The following CNKSR2 variants were observed in gnomAD, a reference collection of about 807,000 sequenced individuals.
The protein encoded by CNKSR2 is CNK homolog protein 2.
In CNKSR2, 14 loss-of-function variants were observed where a neutral mutation model predicts 84.4. That is an observed-to-expected ratio of 0.17 (90% CI 0.11 to 0.26). The LOEUF is 0.26. CNKSR2 is among the 10% of genes least tolerant of loss of function. CNKSR2 has a pLI of 1.00. For missense variants in CNKSR2, 485 were observed against 771.2 expected (o/e 0.63, Z 4.40); for synonymous variants, 275 against 277.9 (o/e 0.99, Z 0.10).
rs1429893801 is a variant in CNKSR2, at chrX:21,434,718, CGT to C, written c.431+1907_431+1908del. Reference sequence around the variant, plus strand: ...AATTTTTATTACATTTTGGAGAAAACGTGTATCCACAGCAATATGTTTTGGGT... The same window carrying C: ...AATTTTTATTACATTTTGGAGAAAACGTATCCACAGCAATATGTTTTGGGT... On this transcript the variant is annotated intron_variant, in intron 3 of 21. Coordinates refer to ENST00000379510, the MANE Select transcript of CNKSR2 (RefSeq NM_014927.5). Among the ~76,000 whole-genome samples, 3 of 110,268 alleles carry C rather than the reference CGT, an allele frequency of 2.7e-5. No individual in the cohort carries two copies. In the East Asian group the frequency reaches 8.5e-4, roughly 31 times the overall value.
chrX:21,530,153 G>C (rs1349245580), intron 10 of CNKSR2, among the ~76,000 whole-genome samples: 1 of 110,993 alleles, frequency 9.0e-6, no homozygotes, highest in Non-Finnish European at 1.9e-5. Flanking sequence ...AATTCTGCCT[G>C]GATTTTATAT....
chrX:21,542,638 A>C (rs1370429455), intron 11 of CNKSR2, among the ~76,000 whole-genome samples: 1 of 111,920 alleles, frequency 8.9e-6, no homozygotes, highest in African/African-American at 3.2e-5. Context: ...ATCTTGCTGT[A>C]CATGGACTCC....
intron 13 of CNKSR2, among the ~76,000 whole-genome samples, chrX:21,577,240 C>T (rs1385350658): frequency 6.3e-5 from 7 of 111,440 alleles, no homozygotes; most frequent in Admixed American, 4.8e-4. Flanking sequence ...CCAGCCCTTT[C>T]AGCTTCACAT....
chrX:21,605,621 A>T (rs943404247), intron 18 of CNKSR2, among the ~76,000 whole-genome samples: 6 of 111,868 alleles, frequency 5.4e-5, no homozygotes, highest in Non-Finnish European at 9.4e-5. Flanking sequence ...GCAGTTTCTT[A>T]GTTCAAATCC....
chrX:21,387,264 T>G (rs1477602007), intron 1 of CNKSR2, among the ~76,000 whole-genome samples: 1 of 111,476 alleles, frequency 9.0e-6, no homozygotes, highest in African/African-American at 3.3e-5. Context: ...GGCAAATCAC[T>G]TGAGCTCAGG....
chrX:21,402,584 A>G (rs902454611), intron 1 of CNKSR2, among the ~76,000 whole-genome samples: 1 of 111,058 alleles, frequency 9.0e-6, no homozygotes, highest in Non-Finnish European at 1.9e-5. Flanking sequence ...ATTAGCTCCT[A>G]TTTATGCTAA....
At chrX:21,473,745 GTTTTT>G (rs768497403) in intron 5 of CNKSR2, among the ~76,000 whole-genome samples, 1 of 67,231 alleles carries the variant, frequency 1.5e-5, no homozygotes, top group African/African-American at 1.0e-4. Flanking sequence ...TGTTGGTTTG[GTTTTT>G]TTTTTTTTTT....
chrX:21,567,567 C>A (rs1053270141), intron 13 of CNKSR2, among the ~76,000 whole-genome samples: 1 of 111,967 alleles, frequency 8.9e-6, no homozygotes, highest in South Asian at 3.7e-4. Context: ...TTCACTCCAG[C>A]TGAAAACTTC....
intron 13 of CNKSR2, among the ~76,000 whole-genome samples, chrX:21,573,566 T>C (rs1351604379): frequency 8.9e-6 from 1 of 112,185 alleles, no homozygotes; most frequent in Non-Finnish European, 1.9e-5. Context: ...TCTGTGCACA[T>C]GCAGGCTCAA....
intron 9 of CNKSR2, among the ~76,000 whole-genome samples, chrX:21,524,224 T>C (rs1403204406): frequency 9.0e-6 from 1 of 110,949 alleles, no homozygotes; most frequent in African/African-American, 3.3e-5. Context: ...AGTTGAAATA[T>C]TTTCTGTGAC....
At chrX:21,586,201 G>A (rs150282812) in intron 13 of CNKSR2, among the ~76,000 whole-genome samples, 606 of 111,247 alleles carry the variant, frequency 5.4e-3, no homozygotes, top group Non-Finnish European at 9.8e-3. Context: ...CAGCTATGTC[G>A]GAAATCTAAA....
intron 20 of CNKSR2, among the ~76,000 whole-genome samples, chrX:21,617,580 G>A (rs889308801): frequency 3.6e-5 from 4 of 111,530 alleles, no homozygotes; most frequent in Admixed American, 2.9e-4. Flanking sequence ...GAAAGTTAAG[G>A]TTTTAAAAAT....
chrX:21,646,507 G>C (rs2092707370), intron 20 of CNKSR2, among the ~76,000 whole-genome samples: 2 of 111,604 alleles, frequency 1.8e-5, no homozygotes, highest in African/African-American at 6.5e-5. Context: ...TTTAAGAACT[G>C]AGGGAAAACT....
chrX:21,532,997 A>G (rs1408111030), intron 11 of CNKSR2, among the ~76,000 whole-genome samples: 1 of 111,117 alleles, frequency 9.0e-6, no homozygotes, highest in African/African-American at 3.3e-5. Context: ...AAGAGCAGTC[A>G]TCACATATCT....
In CNKSR2 at chrX:21,612,579, T is replaced by C. The variant is rs368545860; in HGVS notation, c.2692+2962T>C. 5.3e-5 allele frequency among the ~76,000 whole-genome samples: 6 copies of C among 112,298 alleles called. No homozygotes were observed. The South Asian group carries it at 2.2e-3, about 42-fold the overall frequency. On this transcript the variant is annotated intron_variant, in intron 20 of 21. Coordinates refer to ENST00000379510, the MANE Select transcript of CNKSR2 (RefSeq NM_014927.5). Reference sequence around the variant, plus strand: ...AGTATCAGGTGGCCAAAAGAAATAATGGAAGAAAACATGAAAATATAGTCT... The same window carrying C: ...AGTATCAGGTGGCCAAAAGAAATAACGGAAGAAAACATGAAAATATAGTCT...
At chrX:21,515,412 T>G (rs897932499) in intron 8 of CNKSR2, among the ~76,000 whole-genome samples, 1 of 111,384 alleles carries the variant, frequency 9.0e-6, no homozygotes, top group Middle Eastern at 4.6e-3. Context: ...GAAACTGTTA[T>G]CACTGTTGAG....
chrX:21,411,961 TA>T (rs1456245671), intron 1 of CNKSR2, among the ~76,000 whole-genome samples: 1 of 111,396 alleles, frequency 9.0e-6, no homozygotes, highest in Non-Finnish European at 1.9e-5. Flanking sequence ...AATTAATAAA[TA>T]AAAGTTGGTA....
At chrX:21,453,455 G>C (rs1232067795) in intron 4 of CNKSR2, among the ~76,000 whole-genome samples, 1 of 111,360 alleles carries the variant, frequency 9.0e-6, no homozygotes, top group Non-Finnish European at 1.9e-5. Context: ...GAAACTCCTT[G>C]ATGGCTTGCT....
At chrX:21,487,124 G>A (rs1379232103) in intron 5 of CNKSR2, among the ~76,000 whole-genome samples, 2 of 111,961 alleles carry the variant, frequency 1.8e-5, no homozygotes, top group Non-Finnish European at 3.8e-5. Flanking sequence ...TAGCTTTGCT[G>A]GTAAAGTCAA....
Sources: gnomAD v4.1 joint callset for allele counts (sites outside exome capture counted in the v4.1 genomes callset) on GRCh38, gnomAD v4.1.1 for gene constraint, MANE v1.5 for transcripts, NCBI Gene and HGNC (gene_info 2026-07-23, HGNC 2026-07-21) for gene names.